Variants in MEI4 observed in about 807,000 individuals in gnomAD.
MEI4 encodes the protein meiotic double-stranded break formation protein 4.
A neutral mutation model predicts 31.4 loss-of-function variants in MEI4; 27 were observed. That is an observed-to-expected ratio of 0.86 (90% CI 0.63 to 1.19). The LOEUF is 1.19. Ranked by LOEUF, MEI4 falls within the 50% of genes most tolerant of loss-of-function variation. MEI4 has a pLI of 0.00. For synonymous variants in MEI4, 122 were observed against 145.4 expected, an observed-to-expected ratio of 0.84 and a Z score of 1.16; for missense variants, 329 against 398.9, an observed-to-expected ratio of 0.82 and a Z score of 1.49.
At chr6:77,665,717 C>A (rs77333325) in intron 1 of MEI4, among the ~76,000 whole-genome samples, 6,565 of 152,132 alleles carry the variant, frequency 0.043, 480 homozygotes, top group African/African-American at 0.15. Flanking sequence ...ACAGATAAAA[C>A]GTGTCTCCTT....
chr6:77,829,402 C>A (rs1770027064), intron 4 of MEI4, among the ~76,000 whole-genome samples: 1 of 152,132 alleles, frequency 6.6e-6, no homozygotes, highest in African/African-American at 2.4e-5. Flanking sequence ...GGAGAGGATT[C>A]TAAATGGAGA....
chr6:77,919,725 G>T (rs1261304832), intron 4 of MEI4, among the ~76,000 whole-genome samples: 1 of 148,952 alleles, frequency 6.7e-6, no homozygotes, highest in African/African-American at 2.5e-5. Context: ...TTTTTTGAAA[G>T]GATCAACAAA....
intron 2 of MEI4, among the ~76,000 whole-genome samples, chr6:77,731,592 G>C (rs1582070368): frequency 6.6e-6 from 1 of 151,462 alleles, no homozygotes; most frequent in South Asian, 2.1e-4. Flanking sequence ...TGTTCACTCT[G>C]ATGGTAGTTT....
chr6:77,770,237 T>A (rs980350890), intron 3 of MEI4, among the ~76,000 whole-genome samples: 3 of 152,010 alleles, frequency 2.0e-5, no homozygotes, highest in Non-Finnish European at 4.4e-5. Flanking sequence ...ATTATATAAA[T>A]TCCTAACATA....
At chr6:77,732,186 G>T (rs1284615613) in intron 2 of MEI4, among the ~76,000 whole-genome samples, 1 of 151,628 alleles carries the variant, frequency 6.6e-6, no homozygotes, top group Non-Finnish European at 1.5e-5. Flanking sequence ...TAGCTTGATG[G>T]GGATGGCATT....
chr6:77,874,558 C>A (rs1190506838), intron 4 of MEI4, among the ~76,000 whole-genome samples: 1 of 152,148 alleles, frequency 6.6e-6, no homozygotes, highest in Non-Finnish European at 1.5e-5. Context: ...CAAACAGGGA[C>A]AATTTGACTT....
chr6:77,784,063 CA>C (rs1261909533), intron 3 of MEI4, among the ~76,000 whole-genome samples: 2 of 152,048 alleles, frequency 1.3e-5, no homozygotes, highest in African/African-American at 4.8e-5. Flanking sequence ...ATAAAATTGG[CA>C]GTAATCTTTA....
At chr6:77,696,439 A>T in intron 2 of MEI4, among the ~76,000 whole-genome samples, 1 of 152,150 alleles carries the variant, frequency 6.6e-6, no homozygotes, top group South Asian at 2.1e-4. Context: ...GGTACGTCCC[A>T]TCAATACCTA....
At chr6:77,824,176 A>G (rs933116880) in intron 3 of MEI4, among the ~76,000 whole-genome samples, 3 of 151,862 alleles carry the variant, frequency 2.0e-5, no homozygotes, top group African/African-American at 7.3e-5. Flanking sequence ...TGCAACCTCC[A>G]CCTCCTGGGT....
chr6:77,867,282 C>T (rs926580108), intron 4 of MEI4, among the ~76,000 whole-genome samples: 1 of 152,158 alleles, frequency 6.6e-6, no homozygotes, highest in African/African-American at 2.4e-5. Context: ...TCAGAGTGAA[C>T]AGGCAACCTA....
intron 4 of MEI4, among the ~76,000 whole-genome samples, chr6:77,918,554 AT>A (rs1766621713): frequency 6.8e-6 from 1 of 147,904 alleles, no homozygotes; most frequent in Non-Finnish European, 1.5e-5. Context: ...TTCACTCATG[AT>A]TTGGCTCTCT....
chr6:77,703,374 A>G (rs1252971134), intron 2 of MEI4, among the ~76,000 whole-genome samples: 1 of 152,198 alleles, frequency 6.6e-6, no homozygotes, highest in Non-Finnish European at 1.5e-5. Flanking sequence ...ACACATGTTT[A>G]TAAGTAATTG....
chr6:77,848,679 T>C (rs1223107112), intron 4 of MEI4, among the ~76,000 whole-genome samples: 4 of 152,036 alleles, frequency 2.6e-5, no homozygotes, highest in Admixed American at 1.3e-4. Flanking sequence ...TAAACTACTC[T>C]CTCAAGGAAA....
chr6:77,806,829 G>C (rs576874538), intron 3 of MEI4, among the ~76,000 whole-genome samples: 59 of 152,224 alleles, frequency 3.9e-4, no homozygotes, highest in Middle Eastern at 6.8e-3. Flanking sequence ...CCTACGACTT[G>C]TTTTTGTAAA....
chr6:77,750,891 T>C (rs1322838710), intron 2 of MEI4, among the ~76,000 whole-genome samples: 1 of 152,108 alleles, frequency 6.6e-6, no homozygotes, highest in Non-Finnish European at 1.5e-5. Context: ...TCTTAGCAAA[T>C]GCAAAAGAAG....
At chr6:77,874,337 A>C (rs1199975807) in intron 4 of MEI4, among the ~76,000 whole-genome samples, 6 of 152,040 alleles carry the variant, frequency 3.9e-5, no homozygotes, top group African/African-American at 1.4e-4. Context: ...TGTAAGTTGG[A>C]TTCCTAGGTA....
intron 1 of MEI4, among the ~76,000 whole-genome samples, chr6:77,669,103 A>T (rs1768689800): frequency 6.6e-6 from 1 of 152,200 alleles, no homozygotes; most frequent in African/African-American, 2.4e-5. Context: ...ACAGACATGG[A>T]TGCATAAAAT....
At chr6:77,894,136 T>C (rs1350993980) in intron 4 of MEI4, among the ~76,000 whole-genome samples, 1 of 152,188 alleles carries the variant, frequency 6.6e-6, no homozygotes, top group Non-Finnish European at 1.5e-5. Context: ...TTGAATGGTT[T>C]ATATATTTTT....
chr6:77,906,364 G>T (rs1766296450), intron 4 of MEI4, among the ~76,000 whole-genome samples: 1 of 152,134 alleles, frequency 6.6e-6, no homozygotes, highest in African/African-American at 2.4e-5. Flanking sequence ...GTGTACAGCG[G>T]TGCTTGCTAG....
Sources: allele counts gnomAD v4.1 joint callset (sites outside exome capture counted in the v4.1 genomes callset), GRCh38; gene constraint gnomAD v4.1.1; transcripts MANE v1.5; gene names NCBI Gene and HGNC (gene_info 2026-07-23, HGNC 2026-07-21).